CCR5AS: variants seen among roughly 807,000 people sequenced by gnomAD.
CCR5AS encodes CCR5 antisense RNA.
chr3:46,384,099 C>T (rs1701838056), intron 2 of CCR5AS, among the ~76,000 whole-genome samples: 1 of 152,104 alleles, frequency 6.6e-6, no homozygotes, highest in African/African-American at 2.4e-5. Flanking sequence ...AGCTCTCTTG[C>T]CTGCACAGAG....
intron 1 of CCR5AS, among the ~76,000 whole-genome samples, chr3:46,397,860 T>C (rs17842821): frequency 0.054 from 8,235 of 152,262 alleles, 740 homozygotes; most frequent in African/African-American, 0.18. Flanking sequence ...CAACAAACGG[T>C]CATTGAAACG....
At chr3:46,382,733 T>C (rs551397766) in intron 2 of CCR5AS, among the ~76,000 whole-genome samples, 62 of 152,318 alleles carry the variant, frequency 4.1e-4, no homozygotes, top group Non-Finnish European at 6.9e-4. Context: ...TTTTCCATGA[T>C]TTAATTTAAA....
At chr3:46,377,768 C>T (rs11575814) in intron 2 of CCR5AS, among the ~76,000 whole-genome samples, 9,074 of 151,724 alleles carry the variant, frequency 0.06, 891 homozygotes, top group African/African-American at 0.21. Flanking sequence ...TGCAATGGTG[C>T]GATCTCGGCT....
intron 1 of CCR5AS, among the ~76,000 whole-genome samples, chr3:46,403,390 A>C (rs1469796898): frequency 2.6e-5 from 4 of 152,240 alleles, no homozygotes; most frequent in Non-Finnish European, 5.9e-5. Context: ...GTGTGTATCA[A>C]TCAGCATACA....
intron 2 of CCR5AS, chr3:46,373,372 T>C: frequency 6.2e-7 from 1 of 1,613,006 alleles, no homozygotes; most frequent in Non-Finnish European, 8.5e-7. Context: ...GTGGTGGCTG[T>C]GTTTGCGTCT....
At chr3:46,373,780 A>T in intron 2 of CCR5AS, 1 of 1,613,688 alleles carries the variant, frequency 6.2e-7, no homozygotes. Flanking sequence ...TGCTGCATCA[A>T]CCCCATCATC....
intron 2 of CCR5AS, among the ~76,000 whole-genome samples, chr3:46,383,191 A>T (rs1412593895): frequency 6.6e-6 from 1 of 152,178 alleles, no homozygotes; most frequent in Non-Finnish European, 1.5e-5. Context: ...TTTTGTAAGT[A>T]ATGGATGGAA....
At chr3:46,396,224 A>G (rs571628582) in intron 1 of CCR5AS, among the ~76,000 whole-genome samples, 4 of 151,944 alleles carry the variant, frequency 2.6e-5, no homozygotes, top group African/African-American at 9.7e-5. Context: ...GATGATTCAT[A>G]TCAGACCAGT....
intron 2 of CCR5AS, chr3:46,373,420 G>A (rs756358652): frequency 4.3e-6 from 7 of 1,612,426 alleles, no homozygotes; most frequent in Non-Finnish European, 5.9e-6. Flanking sequence ...CAAAAAGAAG[G>A]TCTTCATTAC....
intron 2 of CCR5AS, chr3:46,374,066 G>A (rs1001552690): frequency 1.4e-6 from 1 of 740,336 alleles, no homozygotes; most frequent in African/African-American, 1.8e-5. Context: ...TTTTTAAAAG[G>A]AAGTTACTGT....
intron 2 of CCR5AS, chr3:46,373,828 T>C (rs1701712037): frequency 6.2e-7 from 1 of 1,614,012 alleles, no homozygotes. Flanking sequence ...AACTACCTCT[T>C]AGTCTTCTTC....
chr3:46,373,902 C>G (rs147879075), intron 2 of CCR5AS: 2 of 1,607,872 alleles, frequency 1.2e-6, no homozygotes, highest in South Asian at 1.1e-5. Flanking sequence ...GGCTCCCGAG[C>G]GAGCAAGCTC....
At chr3:46,390,287 T>C (rs1701899325) in intron 2 of CCR5AS, among the ~76,000 whole-genome samples, 1 of 151,758 alleles carries the variant, frequency 6.6e-6, no homozygotes, top group African/African-American at 2.4e-5. Flanking sequence ...TGTGGAAGGG[T>C]GTATTGAAGA....
chr3:46,370,222 G>A (rs1055493236), intron 3 of CCR5AS, among the ~76,000 whole-genome samples: 5 of 152,152 alleles, frequency 3.3e-5, no homozygotes, highest in African/African-American at 1.2e-4. Context: ...AATGCTTACT[G>A]GTTTGAAGGG....
chr3:46,396,114 C>A (rs1701960176), intron 1 of CCR5AS, among the ~76,000 whole-genome samples: 1 of 152,158 alleles, frequency 6.6e-6, no homozygotes, highest in African/African-American at 2.4e-5. Context: ...TACAATGTGT[C>A]ATTTAATTTT....
At chr3:46,381,357 C>T (rs1471104844) in intron 2 of CCR5AS, among the ~76,000 whole-genome samples, 1 of 152,200 alleles carries the variant, frequency 6.6e-6, no homozygotes, top group Non-Finnish European at 1.5e-5. Flanking sequence ...GAACTGGGAA[C>T]TCATGCCAGC....
chr3:46,380,347 A>T (rs3181039), intron 2 of CCR5AS, among the ~76,000 whole-genome samples: 1 of 152,074 alleles, frequency 6.6e-6, no homozygotes, highest in Non-Finnish European at 1.5e-5. Context: ...CTAAGTAGAA[A>T]GTGGGGTACA....
At chr3:46,367,163 G>C (rs1363631406) in intron 3 of CCR5AS, among the ~76,000 whole-genome samples, 1 of 152,084 alleles carries the variant, frequency 6.6e-6, no homozygotes, top group Non-Finnish European at 1.5e-5. Context: ...TTACCTCTGG[G>C]TGGAGCAAAA....
intron 3 of CCR5AS, among the ~76,000 whole-genome samples, chr3:46,367,071 A>G (rs1250258552): frequency 2.6e-5 from 4 of 152,204 alleles, no homozygotes; most frequent in African/African-American, 9.7e-5. Flanking sequence ...ATGAAGCCAG[A>G]CAGGAAAGAG....
Sources: gnomAD v4.1 joint callset for allele counts (sites outside exome capture counted in the v4.1 genomes callset) on GRCh38, gnomAD v4.1.1 for gene constraint, MANE v1.5 for transcripts, NCBI Gene and HGNC (gene_info 2026-07-23, HGNC 2026-07-21) for gene names.